Variants in CCDC3 observed in about 807,000 individuals in gnomAD.
CCDC3 encodes coiled-coil domain-containing protein 3.
A neutral mutation model predicts 21.4 loss-of-function variants in CCDC3; 24 were observed. That is an observed-to-expected ratio of 1.12 (90% CI 0.81 to 1.58). The LOEUF (loss-of-function observed/expected upper bound fraction) is 1.58. Among genes scored for constraint, CCDC3 ranks in the 40% most tolerant of loss-of-function variants. The pLI is 0.00. For missense variants in CCDC3, 425 were observed against 360.9 expected (o/e 1.18, Z -1.44); for synonymous variants, 186 against 166.0 (o/e 1.12, Z -0.93).
At chr10:12,946,502 A>AT (rs1834918468) in intron 2 of CCDC3, among the ~76,000 whole-genome samples, 1 of 152,216 alleles carries the variant, frequency 6.6e-6, no homozygotes, top group Admixed American at 6.5e-5. Context: ...ATCATGCCCA[A>AT]TAAGACAAAT....
chr10:12,922,673 CG>C (rs1456245621), intron 2 of CCDC3, among the ~76,000 whole-genome samples: 1 of 152,112 alleles, frequency 6.6e-6, no homozygotes, highest in Non-Finnish European at 1.5e-5. Flanking sequence ...GACCCCTTCC[CG>C]CGCCGCAGGA....
intron 2 of CCDC3, among the ~76,000 whole-genome samples, chr10:12,984,126 A>T (rs1300365992): frequency 3.3e-5 from 5 of 152,222 alleles, no homozygotes; most frequent in Non-Finnish European, 5.9e-5. Context: ...GACAGCACAC[A>T]CAATGGGAGA....
chr10:13,011,667 C>G (rs541556814), intron 5 of CCDC3, among the ~76,000 whole-genome samples: 8 of 152,224 alleles, frequency 5.3e-5, no homozygotes, highest in African/African-American at 1.9e-4. Flanking sequence ...ATCAAACTAC[C>G]CTGACATTGT....
At chr10:12,924,781 CGTAA>C (rs1834507635) in intron 2 of CCDC3, 1 of 152,040 alleles carries the variant, frequency 6.6e-6, no homozygotes. Flanking sequence ...GTGCTACGGC[CGTAA>C]GTGACTCATT....
chr10:13,066,377 T>A (rs1029027138), intron 4 of CCDC3, among the ~76,000 whole-genome samples: 1 of 152,216 alleles, frequency 6.6e-6, no homozygotes, highest in Non-Finnish European at 1.5e-5. Flanking sequence ...CCAGGGTATG[T>A]TTTAGCAGAT....
At chr10:13,028,218 G>C (rs1836249897) in intron 5 of CCDC3, among the ~76,000 whole-genome samples, 1 of 152,104 alleles carries the variant, frequency 6.6e-6, no homozygotes, top group Admixed American at 6.6e-5. Context: ...ATGATAGTGA[G>C]TACGTCTCAT....
rs1486968070 is a variant in CCDC3, at chr10:13,094,957, T to A, written c.-503+3568A>T. On this transcript the variant is annotated intron_variant, in intron 3 of 6. Transcript: ENST00000378839. ...GGCTTGTCTCAAAGCAGAGCCATGG[T>A]CCCTGGGACTCTGGGTACTTGGCTG... Among the ~76,000 whole-genome samples, 3 of 152,040 alleles carry A rather than the reference T, an allele frequency of 2.0e-5. No individual in the cohort carries two copies. The East Asian group carries it at 5.8e-4, about 29-fold the overall frequency.
At chr10:12,926,180 A>T (rs924113480) in intron 2 of CCDC3, among the ~76,000 whole-genome samples, 14 of 152,240 alleles carry the variant, frequency 9.2e-5, no homozygotes, top group African/African-American at 1.7e-4. Flanking sequence ...AGGATGCTGG[A>T]GGACACAGGT....
intron 2 of CCDC3, among the ~76,000 whole-genome samples, chr10:12,984,217 A>G (rs1294692742): frequency 1.3e-5 from 2 of 152,266 alleles, no homozygotes; most frequent in African/African-American, 2.4e-5. Flanking sequence ...CAATAAAAAG[A>G]CAACCTAGTT....
upstream of CCDC3, among the ~76,000 whole-genome samples, chr10:13,002,674 C>A (rs1226912955): frequency 2.0e-5 from 3 of 152,252 alleles, no homozygotes; most frequent in Non-Finnish European, 2.9e-5. Context: ...GCCCCCACAT[C>A]CACCCTGAAT....
At chr10:12,957,212 A>C (rs1242932742) in intron 2 of CCDC3, among the ~76,000 whole-genome samples, 1 of 152,086 alleles carries the variant, frequency 6.6e-6, no homozygotes, top group East Asian at 1.9e-4. Context: ...TAACTTTGTC[A>C]ATTTCCACTT....
chr10:12,997,823 A>G (rs755053838), intron 2 of CCDC3, among the ~76,000 whole-genome samples: 1 of 152,222 alleles, frequency 6.6e-6, no homozygotes, highest in Non-Finnish European at 1.5e-5. Flanking sequence ...GCCCTCTGAC[A>G]TAGATCAGGG....
chr10:13,029,992 G>A (rs1589044877), intron 5 of CCDC3, among the ~76,000 whole-genome samples: 3 of 152,186 alleles, frequency 2.0e-5, no homozygotes, highest in African/African-American at 7.2e-5. Context: ...TACACAGAAA[G>A]CCACAAAGAT....
intron 4 of CCDC3, among the ~76,000 whole-genome samples, chr10:13,050,750 C>T (rs144267975): frequency 3.1e-3 from 476 of 152,100 alleles, no homozygotes; most frequent in African/African-American, 0.011. Flanking sequence ...TGAACCACCG[C>T]GCCCAGCCTG....
intron 4 of CCDC3, chr10:13,057,822 A>T: frequency 3.3e-6 from 1 of 304,842 alleles, no homozygotes; most frequent in Non-Finnish European, 6.2e-6. Flanking sequence ...CGGAGGTTGC[A>T]GTGAGCTGAG....
intron 4 of CCDC3, among the ~76,000 whole-genome samples, chr10:13,054,227 C>T (rs543512425): frequency 5.3e-5 from 8 of 151,860 alleles, no homozygotes; most frequent in African/African-American, 1.7e-4. Context: ...CTCAGCCCAG[C>T]TATTGCAAAC....
intron 5 of CCDC3, among the ~76,000 whole-genome samples, chr10:13,042,366 G>T (rs903767031): frequency 1.3e-5 from 2 of 152,226 alleles, no homozygotes; most frequent in Non-Finnish European, 2.9e-5. Context: ...GGGATTTGAG[G>T]CAAGAATGAG....
chr10:13,040,413 A>G (rs1303703025), intron 5 of CCDC3, among the ~76,000 whole-genome samples: 1 of 152,186 alleles, frequency 6.6e-6, no homozygotes, highest in Non-Finnish European at 1.5e-5. Context: ...CCGCAAAAGT[A>G]AACAGCTGGG....
chr10:12,911,903 T>C (rs982903365), intron 2 of CCDC3, among the ~76,000 whole-genome samples: 1 of 152,228 alleles, frequency 6.6e-6, no homozygotes, highest in African/African-American at 2.4e-5. Context: ...AATAAGATCA[T>C]GCAGTACTGG....
Sources: gnomAD v4.1 joint callset for allele counts (sites outside exome capture counted in the v4.1 genomes callset) on GRCh38, gnomAD v4.1.1 for gene constraint, MANE v1.5 for transcripts, NCBI Gene and HGNC (gene_info 2026-07-23, HGNC 2026-07-21) for gene names.